The following PLCB1 variants were observed in gnomAD, a reference collection of about 807,000 sequenced individuals.
PLCB1 encodes 1-phosphatidylinositol 4,5-bisphosphate phosphodiesterase beta-1.
Under a neutral mutation model 161.8 loss-of-function variants are expected in PLCB1, and 46 were observed. The ratio of observed to expected loss-of-function variants is 0.28; its 90% confidence interval spans 0.22 to 0.36. PLCB1 has a LOEUF of 0.36. Among genes scored for constraint, PLCB1 ranks in the 10% least tolerant of loss-of-function variants. The pLI, the probability that PLCB1 is intolerant of heterozygous loss-of-function variation, is 1.00. For missense variants in PLCB1, 1,016 were observed against 1,472.5 expected (o/e 0.69, Z 5.07); for synonymous variants, 517 against 503.7 (o/e 1.03, Z -0.35).
chr20:8,802,215 T>C (rs1431900318), intron 31 of PLCB1: 17 of 1,005,654 alleles, frequency 1.7e-5, no homozygotes, highest in East Asian at 2.4e-5. Context: ...AGAAGGGTGG[T>C]GTGTAGCCAT....
intron 2 of PLCB1, among the ~76,000 whole-genome samples, chr20:8,281,989 A>G (rs780694016): frequency 1.4e-4 from 21 of 152,028 alleles, no homozygotes; most frequent in African/African-American, 4.6e-4. Flanking sequence ...TGAAATATTT[A>G]AAAAAAAATT....
intron 2 of PLCB1, among the ~76,000 whole-genome samples, chr20:8,329,473 C>G (rs1364112907): frequency 6.6e-6 from 1 of 152,006 alleles, no homozygotes; most frequent in African/African-American, 2.4e-5. Context: ...TTTTATCCAC[C>G]ACATCTACAG....
intron 3 of PLCB1, among the ~76,000 whole-genome samples, chr20:8,617,727 GA>G (rs1456650956): frequency 1.3e-5 from 2 of 152,098 alleles, no homozygotes; most frequent in Non-Finnish European, 2.9e-5. Flanking sequence ...GCAATACTAG[GA>G]AATCTTAGGT....
chr20:8,764,045 T>C (rs1026448716), intron 25 of PLCB1, among the ~76,000 whole-genome samples: 5 of 152,048 alleles, frequency 3.3e-5, no homozygotes, highest in African/African-American at 1.2e-4. Context: ...TGCATGCTTG[T>C]AATCCCAGCT....
intron 2 of PLCB1, among the ~76,000 whole-genome samples, chr20:8,264,183 A>AG (rs1981840202): frequency 6.6e-6 from 1 of 152,160 alleles, no homozygotes; most frequent in East Asian, 1.9e-4. Flanking sequence ...AAAAACTAAG[A>AG]TGCAAACACA....
chr20:8,418,815 C>T (rs1435824642), intron 3 of PLCB1, among the ~76,000 whole-genome samples: 1 of 152,104 alleles, frequency 6.6e-6, no homozygotes, highest in Non-Finnish European at 1.5e-5. Context: ...TGACTCTAAC[C>T]CAACTATCCT....
At chr20:8,512,789 T>C (rs1187506840) in intron 3 of PLCB1, among the ~76,000 whole-genome samples, 1 of 152,166 alleles carries the variant, frequency 6.6e-6, no homozygotes, top group African/African-American at 2.4e-5. Flanking sequence ...GTACTTATCA[T>C]TTCTTTGTGG....
chr20:8,490,906 ATGTGTACATATATATTAGCATATATG>A (rs1982920558), intron 3 of PLCB1, among the ~76,000 whole-genome samples: 1 of 150,514 alleles, frequency 6.6e-6, no homozygotes, highest in South Asian at 2.1e-4. Context: ...ACACATATAT[ATGTGTACATATATATTAGCATATATG>A]TGTGTGTGTT....
chr20:8,754,338 G>C (rs573541790), intron 23 of PLCB1, among the ~76,000 whole-genome samples: 1 of 150,218 alleles, frequency 6.7e-6, no homozygotes, highest in East Asian at 2.0e-4. Flanking sequence ...AAACTTGTTG[G>C]ATCCAGTTTG....
intron 3 of PLCB1, among the ~76,000 whole-genome samples, chr20:8,558,631 A>G (rs1986043064): frequency 1.3e-5 from 2 of 151,910 alleles, no homozygotes; most frequent in South Asian, 4.1e-4. Flanking sequence ...AGCCACACTA[A>G]GAGAAATTGT....
chr20:8,535,296 A>T (rs1417761132), intron 3 of PLCB1, among the ~76,000 whole-genome samples: 1 of 151,104 alleles, frequency 6.6e-6, no homozygotes, highest in Admixed American at 6.6e-5. Flanking sequence ...TTTTGTTGTA[A>T]TTAGAATATG....
At chr20:8,244,411 T>C (rs1980771385) in intron 2 of PLCB1, among the ~76,000 whole-genome samples, 1 of 151,960 alleles carries the variant, frequency 6.6e-6, no homozygotes, top group Non-Finnish European at 1.5e-5. Flanking sequence ...ATAAAAAGAA[T>C]GAACTATTAA....
intron 2 of PLCB1, among the ~76,000 whole-genome samples, chr20:8,274,933 C>G (rs1438907380): frequency 2.6e-5 from 4 of 152,056 alleles, no homozygotes; most frequent in Non-Finnish European, 5.9e-5. Context: ...TCTTTATTTT[C>G]CTCTGGACAA....
chr20:8,561,761 A>G (rs2123024499), intron 3 of PLCB1, among the ~76,000 whole-genome samples: 1 of 152,126 alleles, frequency 6.6e-6, no homozygotes, highest in Non-Finnish European at 1.5e-5. Context: ...TTATACCCTA[A>G]CCTAATTGAC....
At chr20:8,529,299 C>T (rs1984704797) in intron 3 of PLCB1, among the ~76,000 whole-genome samples, 1 of 151,934 alleles carries the variant, frequency 6.6e-6, no homozygotes, top group South Asian at 2.1e-4. Context: ...GTTGCATATA[C>T]CTAGGAGAAA....
intron 31 of PLCB1, among the ~76,000 whole-genome samples, chr20:8,805,994 A>G (rs543548790): frequency 7.9e-5 from 12 of 152,306 alleles, no homozygotes; most frequent in Admixed American, 1.3e-4. Flanking sequence ...TGCTGGTGGC[A>G]TAGCCCAGCC....
intron 3 of PLCB1, among the ~76,000 whole-genome samples, chr20:8,384,997 A>G (rs1052039437): frequency 6.6e-6 from 1 of 152,126 alleles, no homozygotes; most frequent in Admixed American, 6.5e-5. Context: ...GGAGGGTCTT[A>G]CCCAGCTGGG....
intron 2 of PLCB1, among the ~76,000 whole-genome samples, chr20:8,325,318 G>C (rs1159706091): frequency 6.6e-6 from 1 of 152,164 alleles, no homozygotes; most frequent in African/African-American, 2.4e-5. Flanking sequence ...ACTCTTCTCT[G>C]ATAAGCCCAT....
chr20:8,350,667 A>G (rs983562111), intron 2 of PLCB1, among the ~76,000 whole-genome samples: 1 of 152,208 alleles, frequency 6.6e-6, no homozygotes, highest in African/African-American at 2.4e-5. Context: ...GAATCACCAC[A>G]ATGTCTTCCA....
Sources: allele counts gnomAD v4.1 joint callset (sites outside exome capture counted in the v4.1 genomes callset), GRCh38; gene constraint gnomAD v4.1.1; transcripts MANE v1.5; gene names NCBI Gene and HGNC (gene_info 2026-07-23, HGNC 2026-07-21).